TSHZ2: variants seen among roughly 807,000 people sequenced by gnomAD.
TSHZ2 encodes the protein teashirt zinc finger homeobox 2, also known as teashirt homolog 2.
In TSHZ2, 21 loss-of-function variants were observed where a neutral mutation model predicts 74.4. The ratio of observed to expected loss-of-function variants is 0.28; its 90% CI spans 0.20 to 0.41. The LOEUF (loss-of-function observed/expected upper bound fraction) is 0.41. TSHZ2 is among the 10% of genes least tolerant of loss of function. The pLI is 1.00. For synonymous variants in TSHZ2, 540 were observed against 515.3 expected (o/e 1.05, Z -0.65); for missense variants, 1,244 against 1,293.5 (o/e 0.96, Z 0.59).
At chr20:53,318,898 G>C (rs984468692) in intron 2 of TSHZ2, among the ~76,000 whole-genome samples, 3 of 152,206 alleles carry the variant, frequency 2.0e-5, no homozygotes, top group Admixed American at 6.5e-5. Context: ...GGCTGGAAAG[G>C]CCTCAAAATC....
At chr20:53,415,533 C>T (rs1464787633) in intron 2 of TSHZ2, among the ~76,000 whole-genome samples, 3 of 152,012 alleles carry the variant, frequency 2.0e-5, no homozygotes, top group African/African-American at 4.8e-5. Flanking sequence ...TCCCACCTAG[C>T]ACACTCTTAC....
intron 1 of TSHZ2, chr20:53,198,414 C>G (rs1376729831): frequency 6.6e-6 from 1 of 152,072 alleles, no homozygotes; most frequent in Non-Finnish European, 1.5e-5. Context: ...CCTCAAAACA[C>G]CCTAGGAAGT....
At chr20:53,091,045 C>T (rs1482144470) in intron 1 of TSHZ2, among the ~76,000 whole-genome samples, 1 of 152,180 alleles carries the variant, frequency 6.6e-6, no homozygotes, top group Non-Finnish European at 1.5e-5. Context: ...TCTGATAGCA[C>T]ACAGTGGCAT....
intron 2 of TSHZ2, among the ~76,000 whole-genome samples, chr20:53,467,814 C>T (rs2145828035): frequency 6.6e-6 from 1 of 152,266 alleles, no homozygotes; most frequent in South Asian, 2.1e-4. Context: ...CAAACATGAT[C>T]CATCCCAAGA....
intron 2 of TSHZ2, among the ~76,000 whole-genome samples, chr20:53,469,084 T>TATATATAC (rs1351403317): frequency 7.6e-6 from 1 of 132,352 alleles, no homozygotes; most frequent in Admixed American, 7.6e-5. Context: ...TATATATATA[T>TATATATAC]GTACATATTC....
At chr20:52,985,542 G>A (rs913131612) in intron 1 of TSHZ2, among the ~76,000 whole-genome samples, 2 of 152,160 alleles carry the variant, frequency 1.3e-5, no homozygotes, top group Admixed American at 1.3e-4. Flanking sequence ...TACCAGTGAA[G>A]CACTTCAAAT....
At chr20:53,180,254 A>G (rs970102492) in intron 1 of TSHZ2, among the ~76,000 whole-genome samples, 3 of 152,210 alleles carry the variant, frequency 2.0e-5, no homozygotes, top group Non-Finnish European at 4.4e-5. Flanking sequence ...CACATTACCA[A>G]AATCCATCTT....
chr20:53,085,888 A>G (rs1018327625), intron 1 of TSHZ2, among the ~76,000 whole-genome samples: 10 of 152,184 alleles, frequency 6.6e-5, no homozygotes, highest in Non-Finnish European at 1.3e-4. Context: ...GCATTAAACC[A>G]CAAGCCAGGC....
intron 2 of TSHZ2, among the ~76,000 whole-genome samples, chr20:53,403,582 A>T (rs1481678477): frequency 6.6e-6 from 1 of 152,176 alleles, no homozygotes; most frequent in African/African-American, 2.4e-5. Flanking sequence ...ATGTTCACGG[A>T]TGGCTCTGCT....
At chr20:53,463,693 A>G (rs546373752) in intron 2 of TSHZ2, among the ~76,000 whole-genome samples, 1 of 152,166 alleles carries the variant, frequency 6.6e-6, no homozygotes, top group Non-Finnish European at 1.5e-5. Flanking sequence ...CATACCCTGG[A>G]CTAGTCAAGG....
At chr20:52,997,259 CGGG>C (rs141577108) in intron 1 of TSHZ2, among the ~76,000 whole-genome samples, 7,944 of 149,118 alleles carry the variant, frequency 0.053, 480 homozygotes, top group African/African-American at 0.15. Context: ...CATCTTGCCC[CGGG>C]GGGGGGTTCA....
chr20:53,472,215 T>G (rs1985828911), intron 2 of TSHZ2, among the ~76,000 whole-genome samples: 1 of 152,188 alleles, frequency 6.6e-6, no homozygotes, highest in African/African-American at 2.4e-5. Context: ...CCAAGTGGAC[T>G]AAAACAGCCC....
Position 53,025,952 on chromosome 20 carries a change from G to A in TSHZ2, c.40+52619G>A, listed in dbSNP as rs574381977. ...CCAGACAGTAGTCCCTGAGAAAAGCGACAGAAGTAGAGCCCGTTAGGATTG... is the reference window on the plus strand; with the variant it reads ...CCAGACAGTAGTCCCTGAGAAAAGCAACAGAAGTAGAGCCCGTTAGGATTG... On this transcript the variant is annotated intron_variant, in intron 1 of 2. Coordinates refer to ENST00000371497, the MANE Select transcript of TSHZ2 (RefSeq NM_173485.6). Among the ~76,000 whole-genome samples the A allele has an allele frequency of 1.6e-4, 24 of 152,268 alleles. 1 individual carries two copies. The highest frequency in any genetic ancestry group is 3.4e-4 in the African/African-American group (14 of 41,560).
At chr20:53,401,393 ATTTT>A (rs1982652548) in intron 2 of TSHZ2, among the ~76,000 whole-genome samples, 1 of 151,858 alleles carries the variant, frequency 6.6e-6, no homozygotes, top group South Asian at 2.1e-4. Context: ...CTTTTTTATT[ATTTT>A]GTTTTTTATT....
chr20:53,485,146 G>A (rs557927970), intron 2 of TSHZ2, among the ~76,000 whole-genome samples: 5 of 152,226 alleles, frequency 3.3e-5, no homozygotes, highest in Admixed American at 3.3e-4. Context: ...CTTTTGACAG[G>A]AATTCCACAC....
chr20:53,283,152 C>G (rs950275894), intron 2 of TSHZ2, among the ~76,000 whole-genome samples: 1 of 152,144 alleles, frequency 6.6e-6, no homozygotes, highest in African/African-American at 2.4e-5. Context: ...TCATGGGTCC[C>G]CATGTTGTAG....
chr20:53,455,612 T>G (rs1415940033), intron 2 of TSHZ2, among the ~76,000 whole-genome samples: 1 of 152,160 alleles, frequency 6.6e-6, no homozygotes, highest in African/African-American at 2.4e-5. Flanking sequence ...GTGCACATTG[T>G]GCAGGTTAGT....
intron 2 of TSHZ2, among the ~76,000 whole-genome samples, chr20:53,259,034 C>G (rs1389401069): frequency 6.6e-6 from 1 of 152,142 alleles, no homozygotes; most frequent in Non-Finnish European, 1.5e-5. Context: ...CTTTGGTCAC[C>G]TTAGAAAAAA....
chr20:53,261,354 T>C (rs1990597550), intron 2 of TSHZ2, among the ~76,000 whole-genome samples: 1 of 152,206 alleles, frequency 6.6e-6, no homozygotes, highest in African/African-American at 2.4e-5. Flanking sequence ...TCTTGTTCAA[T>C]CAGGCAATTA....
Sources: allele counts gnomAD v4.1 joint callset (sites outside exome capture counted in the v4.1 genomes callset), GRCh38; gene constraint gnomAD v4.1.1; transcripts MANE v1.5; gene names NCBI Gene and HGNC (gene_info 2026-07-23, HGNC 2026-07-21).